The following HMCN1 variants were observed in gnomAD, a reference collection of about 807,000 sequenced individuals.
The protein encoded by HMCN1 is hemicentin-1.
In HMCN1, 321 loss-of-function variants were observed where a neutral mutation model predicts 625.9. That is an observed-to-expected ratio of 0.51 (90% CI 0.47 to 0.56). The LOEUF (loss-of-function observed/expected upper bound fraction) is 0.56, where lower values mean the gene tolerates loss of function less well. Among genes scored for constraint, HMCN1 ranks in the 20% least tolerant of loss-of-function variants. The pLI is 0.00. For synonymous variants in HMCN1, 2,425 were observed against 2,417.6 expected, an observed-to-expected ratio of 1.00 and a Z score of -0.09; for missense variants, 6,588 against 6,887.3, an observed-to-expected ratio of 0.96 and a Z score of 1.54.
intron 11 of HMCN1, among the ~76,000 whole-genome samples, chr1:185,953,613 T>C (rs368036568): frequency 6.6e-6 from 1 of 151,766 alleles, no homozygotes; most frequent in African/African-American, 2.4e-5. Flanking sequence ...AGAGGCCACT[T>C]ACTGGATTTG....
chr1:185,740,689 T>TG (rs1384390194), intron 1 of HMCN1, among the ~76,000 whole-genome samples: 2 of 6,550 alleles, frequency 3.1e-4, no homozygotes, highest in South Asian at 5.3e-3. Flanking sequence ...GGGCAGGGGG[T>TG]GGGGGGTAGG....
intron 1 of HMCN1, among the ~76,000 whole-genome samples, chr1:185,741,389 G>A (rs1187906045): frequency 6.6e-6 from 1 of 152,190 alleles, no homozygotes; most frequent in Non-Finnish European, 1.5e-5. Context: ...TAAAGTCTGA[G>A]ATGCCTTTTG....
intron 1 of HMCN1, among the ~76,000 whole-genome samples, chr1:185,778,263 G>T (rs1449318225): frequency 6.6e-6 from 1 of 152,062 alleles, no homozygotes; most frequent in Non-Finnish European, 1.5e-5. Flanking sequence ...CAGAGGTATG[G>T]GGACATCCAT....
intron 93 of HMCN1, among the ~76,000 whole-genome samples, chr1:186,148,092 A>G (rs1022665676): frequency 6.6e-6 from 1 of 152,228 alleles, no homozygotes; most frequent in African/African-American, 2.4e-5. Context: ...AGTTTATGTA[A>G]TATTTTAAGT....
chr1:185,774,075 A>G (rs1656431234), intron 1 of HMCN1, among the ~76,000 whole-genome samples: 1 of 152,176 alleles, frequency 6.6e-6, no homozygotes, highest in Non-Finnish European at 1.5e-5. Context: ...TTTTTGTTCC[A>G]TACTATAGAA....
intron 36 of HMCN1, 28 bp downstream of exon 36, chr1:186,023,181 A>T: frequency 6.3e-7 from 1 of 1,598,186 alleles, no homozygotes; most frequent in Non-Finnish European, 8.6e-7. Context: ...CCTTAACAAA[A>T]GAATATTTGT....
chr1:185,971,112 A>T (rs1650793590), intron 15 of HMCN1, among the ~76,000 whole-genome samples: 1 of 152,150 alleles, frequency 6.6e-6, no homozygotes. Flanking sequence ...GGATATTTGA[A>T]CTCAAGTTGC....
chr1:186,111,219 G>A (rs1180344326), intron 71 of HMCN1, among the ~76,000 whole-genome samples: 1 of 151,594 alleles, frequency 6.6e-6, no homozygotes, highest in Admixed American at 6.6e-5. Context: ...CTGACCTCGT[G>A]ATCCACCCGC....
intron 1 of HMCN1, among the ~76,000 whole-genome samples, chr1:185,771,155 G>A (rs1656215553): frequency 6.6e-6 from 1 of 152,160 alleles, no homozygotes; most frequent in Non-Finnish European, 1.5e-5. Context: ...GGTTTTATGT[G>A]TGCTAAAAAT....
intron 30 of HMCN1, among the ~76,000 whole-genome samples, chr1:186,007,887 G>A (rs1046818308): frequency 3.9e-5 from 6 of 152,070 alleles, no homozygotes; most frequent in African/African-American, 1.4e-4. Context: ...TATGTTTCCA[G>A]CACAAAGATT....
rs1437009776 is a variant in HMCN1 at position 185,888,364 on chromosome 1, T to C, written c.622-20973T>C. On this transcript the variant is annotated intron_variant, in intron 4 of 106. Transcript: ENST00000271588. ...TTTGTTGCCATTGCTTTTGGTGTTT[T>C]AGACATGAAGTCCTTGCCCATGCGT... 5.7e-3 allele frequency among the ~76,000 whole-genome samples: 819 copies of C among 144,376 alleles called. 84 individuals are homozygous for C. Among genetic ancestry groups the C allele is most frequent in the African/African-American group, 0.022 (751 of 34,042 alleles). 94.7% of individuals were successfully genotyped at this position (144,376 alleles called of 152,430 possible). A position where few individuals can be genotyped will look rare whatever the true frequency, so the allele number is the denominator to read the frequency against.
In HMCN1 at chr1:186,087,205, A is replaced by T. The variant is rs767424930; in HGVS notation, c.9047-12A>T. The T allele has an allele frequency of 6.4e-7, 1 of 1,559,958 alleles. No individual in the cohort carries two copies. The highest frequency in any genetic ancestry group is 8.8e-7 in the Non-Finnish European group (1 of 1,131,160). On this transcript the variant is annotated splice_polypyrimidine_tract_variant and intron_variant, in intron 58 of 106. Coordinates refer to ENST00000271588, the MANE Select transcript of HMCN1 (RefSeq NM_031935.3). ...TATACCACTCTACAATTTGCATTCT[A>T]TTTACCTACAGGTGGTCGAACTCTA...
At chr1:185,751,573 T>C (rs184975824) in intron 1 of HMCN1, among the ~76,000 whole-genome samples, 1 of 152,174 alleles carries the variant, frequency 6.6e-6, no homozygotes, top group Non-Finnish European at 1.5e-5. Context: ...AATTCTTGTC[T>C]TTCAGATATT....
chr1:185,996,578 G>T (rs1652802786), intron 24 of HMCN1, among the ~76,000 whole-genome samples: 1 of 152,064 alleles, frequency 6.6e-6, no homozygotes, highest in Admixed American at 6.6e-5. Flanking sequence ...CACTCTTTTG[G>T]GAGGGAATCA....
At position 185,933,770 on chromosome 1, in the gene HMCN1, A is replaced by T; in HGVS notation, c.1774A>T (p.Met592Leu). ...KFNDAGEYHC[M>L]VSSEGGSSAA... ...CAACGATGCTGGAGAGTATCATTGT[A>T]TGGTTTCTAGTGAAGGTGGATCATC... The change falls in exon 11 of 107, where the codon ATG becomes TTG. Residue 592 changes from methionine (M) to leucine (L), a missense_variant. Met to Leu is a conservative substitution (Grantham distance 15, BLOSUM62 2). Around this residue, in one of 3 missense-constraint regions of HMCN1, gnomAD observed 4,628 missense variants for 4,853.1 expected, o/e 0.95. Coordinates refer to ENST00000271588, the MANE Select transcript of HMCN1 (RefSeq NM_031935.3). 1 of 1,613,964 alleles carries T rather than the reference A, an allele frequency of 6.2e-7. No homozygotes were observed. Among genetic ancestry groups the T allele is most frequent in the Non-Finnish European group, 8.5e-7 (1 of 1,179,842 alleles).
chr1:185,926,423 C>T lies in HMCN1; in HGVS notation c.1430+1232C>T, dbSNP rs74134215. 6.7e-3 allele frequency among the ~76,000 whole-genome samples: 1,015 copies of T among 152,168 alleles called. 8 individuals are homozygous for T. Among genetic ancestry groups the T allele is most frequent in the African/African-American group, 0.022 (900 of 41,524 alleles). On this transcript the variant is annotated intron_variant, in intron 9 of 106. Coordinates refer to ENST00000271588, the MANE Select transcript of HMCN1 (RefSeq NM_031935.3). Reference sequence around the variant, plus strand: ...TAGCTGTGTATTTAATAACCAGCAACGTAATTGACCGGGATATAAAATGAT... The same window carrying T: ...TAGCTGTGTATTTAATAACCAGCAATGTAATTGACCGGGATATAAAATGAT...
chr1:185,886,976 A>G (rs147599235), intron 4 of HMCN1, among the ~76,000 whole-genome samples: 1 of 152,220 alleles, frequency 6.6e-6, no homozygotes, highest in Non-Finnish European at 1.5e-5. Context: ...CACTCTAATT[A>G]GGCTAGCTTT....
At chr1:186,098,610 C>T (rs891108133) in intron 68 of HMCN1, among the ~76,000 whole-genome samples, 1 of 151,942 alleles carries the variant, frequency 6.6e-6, no homozygotes, top group African/African-American at 2.4e-5. Flanking sequence ...GTTAATATAG[C>T]CATTATGAAA....
chr1:186,183,456 CG>C (rs1424897291), intron 105 of HMCN1, among the ~76,000 whole-genome samples: 19 of 152,184 alleles, frequency 1.2e-4, no homozygotes, highest in African/African-American at 4.6e-4. Flanking sequence ...TAATAACTTT[CG>C]CTTTGGGCCA....
Sources: gnomAD v4.1 joint callset for allele counts (sites outside exome capture counted in the v4.1 genomes callset) on GRCh38, gnomAD v4.1.1 for gene constraint, gnomAD v4.1.1 regional missense constraint, MANE v1.5 for transcripts, NCBI Gene and HGNC (gene_info 2026-07-23, HGNC 2026-07-21) for gene names.